MYO18A: variants seen among roughly 807,000 people sequenced by gnomAD.
MYO18A encodes myosin XVIIIA, also known as unconventional myosin-XVIIIa.
Under a neutral mutation model 235.8 loss-of-function variants are expected in MYO18A, and 78 were observed. The ratio of observed to expected loss-of-function variants is 0.33; its 90% confidence interval spans 0.28 to 0.40. The LOEUF (loss-of-function observed/expected upper bound fraction) is 0.40. Ranked by LOEUF, MYO18A falls within the 10% of genes least tolerant of loss-of-function variation. MYO18A has a pLI of 1.00. For missense variants in MYO18A, 2,215 were observed against 2,699.3 expected (o/e 0.82, Z 3.98); for synonymous variants, 977 against 1,077.8 (o/e 0.91, Z 1.83).
intron 2 of MYO18A, among the ~76,000 whole-genome samples, chr17:29,131,745 G>A (rs527885179): frequency 2.0e-5 from 3 of 152,206 alleles, no homozygotes; most frequent in Non-Finnish European, 4.4e-5. Context: ...TGCCATCGTG[G>A]CTTTGGTTAC....
intron 7 of MYO18A, among the ~76,000 whole-genome samples, chr17:29,119,894 A>G (rs2067157246): frequency 6.9e-6 from 1 of 144,598 alleles, no homozygotes; most frequent in African/African-American, 2.6e-5. Context: ...TTTTTTTTTT[A>G]AGATAGGGTC....
At chr17:29,076,699 T>G (rs542248207) in intron 41 of MYO18A, 1 of 152,104 alleles carries the variant, frequency 6.6e-6, no homozygotes, top group African/African-American at 2.4e-5. Context: ...AGAAAAAAAT[T>G]GGGGTTATTT....
chr17:29,085,499 C>T (rs1454607474), intron 40 of MYO18A, 105 bp downstream of exon 40: 1 of 964,758 alleles, frequency 1.0e-6, no homozygotes, highest in African/African-American at 1.6e-5. Flanking sequence ...TGTGGGGAGG[C>T]TGTATCCACA....
chr17:29,170,709 GCT>G (rs1474553461), intron 1 of MYO18A, among the ~76,000 whole-genome samples: 1 of 152,168 alleles, frequency 6.6e-6, no homozygotes, highest in Non-Finnish European at 1.5e-5. Flanking sequence ...GAATAATCTT[GCT>G]CTTACTATCC....
chr17:29,103,113 G>C (rs2066696135), intron 21 of MYO18A, among the ~76,000 whole-genome samples: 1 of 152,254 alleles, frequency 6.6e-6, no homozygotes, highest in Non-Finnish European at 1.5e-5. Context: ...ATTCAGATGA[G>C]GAATTTGGCC....
intron 41 of MYO18A, chr17:29,080,035 G>C: frequency 3.0e-6 from 3 of 986,064 alleles, no homozygotes; most frequent in Non-Finnish European, 3.6e-6. Context: ...GCTGGAGCTG[G>C]AGCTGGAGCT....
intron 25 of MYO18A, 30 bp from the exon 26 acceptor site, chr17:29,097,929 A>G: frequency 6.3e-7 from 1 of 1,598,760 alleles, no homozygotes; most frequent in Non-Finnish European, 8.5e-7. Flanking sequence ...AGGGTGTGCC[A>G]TTCCATCCCC....
At chr17:29,080,993 TAGAG>T in intron 41 of MYO18A, 1 of 985,320 alleles carries the variant, frequency 1.0e-6, no homozygotes, top group Non-Finnish European at 1.2e-6. Flanking sequence ...GGGGCCTCCT[TAGAG>T]AGGCTGTTGA....
At chr17:29,114,790 G>C (rs1317944896) in intron 14 of MYO18A, 117 bp downstream of exon 14, 1 of 1,099,324 alleles carries the variant, frequency 9.1e-7, no homozygotes, top group African/African-American at 1.6e-5. Flanking sequence ...CTGCTCCAGA[G>C]AGCGCAGGAG....
In MYO18A at chr17:29,166,153, G is replaced by A; in HGVS notation, c.788C>T (p.Thr263Ile). 6.2e-7 allele frequency: 1 copy of A among 1,613,086 alleles called. No homozygotes were observed. The highest frequency in any genetic ancestry group is 8.5e-7 in the Non-Finnish European group (1 of 1,179,882). Reference protein sequence around the residue: ...VVHFAEPGAGTKDLALGLVPG... With the variant: ...VVHFAEPGAGIKDLALGLVPG... ...CACCAGCCCCAGGGCCAGGTCCTTG[G>A]TGCCTGCACCAGGCTCAGCAAAGTG... Residue 263 changes from threonine to isoleucine, a missense_variant, in exon 2 of 42, where the codon ACC becomes ATC. Physicochemically the swap from Thr to Ile is moderately conservative, Grantham distance 89. Transcript: ENST00000527372.
At chr17:29,079,532 C>T (rs943394134) in intron 41 of MYO18A, among the ~76,000 whole-genome samples, 2 of 152,206 alleles carry the variant, frequency 1.3e-5, no homozygotes, top group African/African-American at 2.4e-5. Flanking sequence ...GTTCAGCTGA[C>T]AGGGCTCAGG....
At chr17:29,132,063 A>C (rs1324511705) in intron 2 of MYO18A, among the ~76,000 whole-genome samples, 1 of 152,204 alleles carries the variant, frequency 6.6e-6, no homozygotes, top group Non-Finnish European at 1.5e-5. Context: ...CCTCAGACCC[A>C]CAAAACTGCC....
At chr17:29,114,130 G>T (rs752171089) in intron 14 of MYO18A, 33 bp from the exon 15 acceptor site, 4 of 1,520,008 alleles carry the variant, frequency 2.6e-6, no homozygotes, top group Non-Finnish European at 3.6e-6. Flanking sequence ...AGTGAGCATG[G>T]GGGTCACATT....
At chr17:29,127,772 G>T in intron 2 of MYO18A, 2 of 851,888 alleles carry the variant, frequency 2.3e-6, no homozygotes, top group Non-Finnish European at 2.8e-6. Flanking sequence ...GAGGTCGCTT[G>T]GGGAAGCCGG....
intron 40 of MYO18A, among the ~76,000 whole-genome samples, chr17:29,084,787 C>T (rs1447087673): frequency 2.0e-5 from 3 of 151,904 alleles, no homozygotes; most frequent in Non-Finnish European, 4.4e-5. Flanking sequence ...GGGGAAGAAA[C>T]CCAATGCCAT....
chr17:29,115,474 C>T, intron 12 of MYO18A, 33 bp from the exon 13 acceptor site: 5 of 1,598,070 alleles, frequency 3.1e-6, no homozygotes, highest in Non-Finnish European at 4.3e-6. Flanking sequence ...CTATCTCCTT[C>T]TCCCCAGGGC....
chr17:29,144,748 T>C (rs2067811965), intron 2 of MYO18A, among the ~76,000 whole-genome samples: 1 of 152,160 alleles, frequency 6.6e-6, no homozygotes, highest in Non-Finnish European at 1.5e-5. Context: ...CCTGAACACA[T>C]TACATACATA....
Position 29,110,111 on chromosome 17 carries a change from G to T in MYO18A, c.3088-10C>A. The T allele has an allele frequency of 6.2e-7, 1 of 1,607,048 alleles. No homozygotes were observed. On this transcript the variant is annotated splice_polypyrimidine_tract_variant and intron_variant, in intron 18 of 41. Coordinates refer to ENST00000527372, the MANE Select transcript of MYO18A (RefSeq NM_078471.4). ...TGTCGATGAGGGCGTCCTGCCGAGG[G>T]GAAGAGACTGCCCTCAGTGGGCTCT...
rs953206020 is a variant in MYO18A at position 29,115,072 on chromosome 17, G to C, written c.2346C>G (p.Leu782=). The C allele has an allele frequency of 6.2e-7, 1 of 1,613,848 alleles. No homozygotes were observed. The highest frequency in any genetic ancestry group is 8.5e-7 in the Non-Finnish European group (1 of 1,179,804). The change falls in exon 14 of 42, where the codon CTC becomes CTG. Residue 782 remains leucine, a synonymous_variant. Coordinates refer to ENST00000527372, the MANE Select transcript of MYO18A (RefSeq NM_078471.4). ...GGGTGTCGACAATCATCATGGAGCA[G>C]AGTGAGTGCTGGCTGGACTTGAGAG... The part of the protein sequence containing the change: ...NRALKSSQHS[L]CSMMIVDTPG...
Sources: allele counts gnomAD v4.1 joint callset (sites outside exome capture counted in the v4.1 genomes callset), GRCh38; gene constraint gnomAD v4.1.1; transcripts MANE v1.5; gene names NCBI Gene and HGNC (gene_info 2026-07-23, HGNC 2026-07-21).